IMMP1L: variants seen among roughly 807,000 people sequenced by gnomAD.
IMMP1L encodes the protein mitochondrial inner membrane protease subunit 1.
IMMP1L carries 24 observed loss-of-function variants against 21.8 expected under a neutral mutation model. The observed-to-expected ratio is 1.10, with a 90% confidence interval of 0.80 to 1.55. The LOEUF is 1.55. Among genes scored for constraint, IMMP1L ranks in the 40% most tolerant of loss-of-function variants. The pLI is 0.00. For missense variants in IMMP1L, 195 were observed against 200.7 expected (o/e 0.97, Z 0.17); for synonymous variants, 46 against 62.8 (o/e 0.73, Z 1.26).
chr11:31,440,297 G>T (rs1308309995), intron 4 of IMMP1L, among the ~76,000 whole-genome samples: 1 of 152,100 alleles, frequency 6.6e-6, no homozygotes, highest in Non-Finnish European at 1.5e-5. Context: ...ACATATTTTT[G>T]TCCAGTTTTC....
chr11:31,437,490 T>G (rs1953165438), intron 4 of IMMP1L, among the ~76,000 whole-genome samples: 1 of 152,190 alleles, frequency 6.6e-6, no homozygotes, highest in East Asian at 1.9e-4. Flanking sequence ...CATACTCAGT[T>G]TACCAGTAAA....
At chr11:31,473,386 A>C (rs529095807) in intron 1 of IMMP1L, among the ~76,000 whole-genome samples, 2 of 152,274 alleles carry the variant, frequency 1.3e-5, no homozygotes, top group African/African-American at 4.8e-5. Context: ...GAAACTGAGG[A>C]GCAGAGAGAT....
intron 4 of IMMP1L, among the ~76,000 whole-genome samples, chr11:31,448,210 G>A (rs1163412351): frequency 3.3e-5 from 5 of 152,192 alleles, no homozygotes; most frequent in Non-Finnish European, 7.3e-5. Flanking sequence ...TCAGGAGGCT[G>A]AGGCAGGAGA....
chr11:31,493,342 G>A (rs1046192276), intron 1 of IMMP1L, among the ~76,000 whole-genome samples: 8 of 152,018 alleles, frequency 5.3e-5, no homozygotes, highest in Non-Finnish European at 1.2e-4. Flanking sequence ...GCAAAGAGGG[G>A]AAAGCCCCTT....
At chr11:31,464,961 GAAAT>G (rs1246601251) in intron 1 of IMMP1L, among the ~76,000 whole-genome samples, 1 of 151,986 alleles carries the variant, frequency 6.6e-6, no homozygotes, top group Non-Finnish European at 1.5e-5. Flanking sequence ...GCAAAATAAA[GAAAT>G]AAAGGGCATC....
chr11:31,468,017 G>A (rs1954419193), intron 1 of IMMP1L, among the ~76,000 whole-genome samples: 1 of 151,832 alleles, frequency 6.6e-6, no homozygotes, highest in Non-Finnish European at 1.5e-5. Flanking sequence ...AAGACAACCA[G>A]CTTGAACACT....
chr11:31,505,805 T>A (rs1453289880), intron 1 of IMMP1L, among the ~76,000 whole-genome samples: 1 of 152,214 alleles, frequency 6.6e-6, no homozygotes, highest in African/African-American at 2.4e-5. Context: ...ATGATCCACC[T>A]GCACTTAATG....
chr11:31,456,268 G>C lies in IMMP1L; in HGVS notation c.313C>G (p.His105Asp), dbSNP rs1200883522. 2 of 1,591,146 alleles carry C rather than the reference G, an allele frequency of 1.3e-6. No homozygotes were observed. The highest frequency in any genetic ancestry group is 8.6e-7 in the Non-Finnish European group (1 of 1,165,166). The stretch of plus-strand genomic sequence containing the variant: ...ATTGAAATGTTACTTACATAACTAT[G>C]GCTTTTAAAGAAATCTGATGGACTA... ...TTSPSDFFKS[H>D]SYVPMGHVWL... The change falls in exon 4 of 6, where the codon CAT becomes GAT. Residue 105 changes from histidine to aspartate, a missense_variant. His to Asp is a moderately conservative substitution (Grantham distance 81). Coordinates refer to ENST00000532287, the MANE Select transcript of IMMP1L (RefSeq NM_001304274.2).
At chr11:31,505,603 G>C (rs1314796284) in intron 1 of IMMP1L, among the ~76,000 whole-genome samples, 1 of 152,188 alleles carries the variant, frequency 6.6e-6, no homozygotes, top group African/African-American at 2.4e-5. Flanking sequence ...AACATTTTTA[G>C]AGAGCTGAAA....
intron 1 of IMMP1L, among the ~76,000 whole-genome samples, chr11:31,472,427 C>T (rs1954584773): frequency 6.6e-6 from 1 of 152,180 alleles, no homozygotes; most frequent in Admixed American, 6.5e-5. Context: ...AGTGACTGCT[C>T]TAAACTCTTG....
At position 31,509,610 on chromosome 11, in the gene IMMP1L, G is replaced by A. The variant is rs1371532147; in HGVS notation, c.-121C>T. The stretch of plus-strand genomic sequence containing the variant: ...CGCCGAAGTCGACCGTCCTTTCGTA[G>A]GGCGCACTTTTCAGCAATACGCCTT... On this transcript the variant is annotated 5_prime_UTR_variant, in exon 1 of 6. Transcript: ENST00000532287. 1.3e-5 allele frequency: 9 copies of A among 668,562 alleles called. No homozygotes were observed. The highest frequency in any genetic ancestry group is 2.3e-5 in the Non-Finnish European group (9 of 397,544). 41.4% of individuals were successfully genotyped at this position (668,562 alleles called of 1,614,324 possible). A position where few individuals can be genotyped will look rare whatever the true frequency, so the allele number is the denominator to read the frequency against.
intron 2 of IMMP1L, among the ~76,000 whole-genome samples, chr11:31,462,797 T>C (rs1213801031): frequency 6.6e-6 from 1 of 152,200 alleles, no homozygotes; most frequent in East Asian, 1.9e-4. Flanking sequence ...AATGGATTAC[T>C]AGTAAGTATC....
intron 2 of IMMP1L, among the ~76,000 whole-genome samples, chr11:31,462,876 A>T (rs1003167238): frequency 1.3e-5 from 2 of 152,188 alleles, no homozygotes; most frequent in South Asian, 2.1e-4. Flanking sequence ...AAACACAGTA[A>T]ATAGGATTCA....
chr11:31,500,569 C>A (rs991911569), intron 1 of IMMP1L, among the ~76,000 whole-genome samples: 1 of 150,246 alleles, frequency 6.7e-6, no homozygotes, highest in Non-Finnish European at 1.5e-5. Flanking sequence ...TCCTCTCTCC[C>A]CTCCAAAAAT....
chr11:31,487,035 AT>A (rs199917889), intron 1 of IMMP1L, among the ~76,000 whole-genome samples: 2,773 of 151,896 alleles, frequency 0.018, 34 homozygotes, highest in Middle Eastern at 0.048. Flanking sequence ...TTAATTTATA[AT>A]TATTCATTGT....
At chr11:31,469,608 A>G (rs538356749) in intron 1 of IMMP1L, 1 of 152,330 alleles carries the variant, frequency 6.6e-6, no homozygotes, top group South Asian at 2.1e-4. Flanking sequence ...GAGAAACAGT[A>G]CTAATATAAT....
At chr11:31,461,746 T>A (rs1345777030) in intron 2 of IMMP1L, among the ~76,000 whole-genome samples, 1 of 152,312 alleles carries the variant, frequency 6.6e-6, no homozygotes, top group South Asian at 2.1e-4. Context: ...TATCTCATTA[T>A]GTATATGCAA....
At chr11:31,448,380 C>T (rs1414930189) in intron 4 of IMMP1L, among the ~76,000 whole-genome samples, 3 of 152,158 alleles carry the variant, frequency 2.0e-5, no homozygotes, top group African/African-American at 7.2e-5. Context: ...GGAATATATT[C>T]TCCTTACTAC....
At chr11:31,461,380 C>G (rs906951173) in intron 2 of IMMP1L, among the ~76,000 whole-genome samples, 2 of 151,988 alleles carry the variant, frequency 1.3e-5, no homozygotes, top group African/African-American at 4.8e-5. Flanking sequence ...GAGTTCAAGA[C>G]CAAACCTGGC....
Sources: gnomAD v4.1 joint callset for allele counts (sites outside exome capture counted in the v4.1 genomes callset) on GRCh38, gnomAD v4.1.1 for gene constraint, MANE v1.5 for transcripts, NCBI Gene and HGNC (gene_info 2026-07-23, HGNC 2026-07-21) for gene names.